FAM110B: variants seen among roughly 807,000 people sequenced by gnomAD.
The protein encoded by FAM110B is protein FAM110B.
A neutral mutation model predicts 20.4 loss-of-function variants in FAM110B; 6 were observed. That is an observed-to-expected ratio of 0.29 (90% CI 0.16 to 0.58). FAM110B has a LOEUF of 0.58. FAM110B is among the 20% of genes least tolerant of loss of function. The pLI is 0.90. For synonymous variants in FAM110B, 226 were observed against 214.1 expected, an observed-to-expected ratio of 1.06 and a Z score of -0.49; for missense variants, 434 against 498.2, an observed-to-expected ratio of 0.87 and a Z score of 1.23.
In FAM110B at chr8:57,999,673, C is replaced by G. The variant is rs564180071; in HGVS notation, c.-512+4867C>G. 2.0e-4 allele frequency among the ~76,000 whole-genome samples: 31 copies of G among 152,238 alleles called. 1 individual carries two copies. The South Asian group carries it at 6.0e-3, about 30-fold the overall frequency. On this transcript the variant is annotated intron_variant, in intron 1 of 3. Coordinates refer to ENST00000519262, the MANE Select transcript of FAM110B (RefSeq NM_001377989.1). ...TGTGCCAGGTACTTTGAATAAACAT[C>G]AGTCAGGAAAGACAAGGTTCCTTCC... is the stretch of plus-strand genomic sequence containing the variant.
At chr8:58,076,459 C>T (rs1806038676) in intron 3 of FAM110B, among the ~76,000 whole-genome samples, 1 of 152,146 alleles carries the variant, frequency 6.6e-6, no homozygotes, top group African/African-American at 2.4e-5. Flanking sequence ...GACCAGCAGG[C>T]CTGGGAATGG....
chr8:58,023,619 C>T (rs1300630733), intron 1 of FAM110B, among the ~76,000 whole-genome samples: 2 of 152,148 alleles, frequency 1.3e-5, no homozygotes, highest in Non-Finnish European at 2.9e-5. Flanking sequence ...TACATTCATA[C>T]ATGGGGATCT....
chr8:58,107,021 T>G (rs1174674015), intron 3 of FAM110B, among the ~76,000 whole-genome samples: 2 of 152,202 alleles, frequency 1.3e-5, no homozygotes, highest in African/African-American at 2.4e-5. Context: ...TGCATGGTTT[T>G]GGGTTATATG....
Position 58,147,031 on chromosome 8 carries a change from T to C in FAM110B, c.801T>C (p.Tyr267=), listed in dbSNP as rs1803884137. 6.2e-7 allele frequency: 1 copy of C among 1,614,212 alleles called. No individual in the cohort carries two copies. The highest frequency in any genetic ancestry group is 1.1e-5 in the South Asian group (1 of 91,088). ...QRSKSDLSDR[Y]FRVDADVERF... ...CTAAGTCAGACTTGAGTGACAGATA[T>C]TTCCGAGTGGACGCGGACGTGGAGA... Residue 267 remains tyrosine (Y), a synonymous_variant, in exon 4 of 4, where the codon TAT becomes TAC. Coordinates refer to ENST00000519262, the MANE Select transcript of FAM110B (RefSeq NM_001377989.1).
rs1413067489 is a variant in FAM110B at position 58,065,860 on chromosome 8, G to T, written c.-413-9675G>T. Among the ~76,000 whole-genome samples the T allele has an allele frequency of 2.6e-5, 4 of 152,206 alleles. No individual in the cohort carries two copies. In the East Asian group the frequency reaches 5.8e-4, roughly 22 times the overall value. On this transcript the variant is annotated intron_variant, in intron 2 of 3. Transcript: ENST00000519262. ...ACGTTTCCTTTGCAATTTTAAAGCC[G>T]TGTTCAGGTTTAGTCATTGGCATTG...
chr8:58,100,613 C>T (rs938922912), intron 3 of FAM110B, among the ~76,000 whole-genome samples: 1 of 152,216 alleles, frequency 6.6e-6, no homozygotes, highest in African/African-American at 2.4e-5. Context: ...ATAAGAGTGT[C>T]ATCTCCATCT....
chr8:58,090,239 A>T (rs1328985559), intron 3 of FAM110B, among the ~76,000 whole-genome samples: 2 of 152,196 alleles, frequency 1.3e-5, no homozygotes, highest in African/African-American at 4.8e-5. Flanking sequence ...AGCTCACTGC[A>T]ACCTCCGCCT....
intron 2 of FAM110B, among the ~76,000 whole-genome samples, chr8:58,045,537 T>C (rs1326378470): frequency 6.6e-6 from 1 of 152,162 alleles, no homozygotes; most frequent in Non-Finnish European, 1.5e-5. Flanking sequence ...TGGACTTCTT[T>C]TAATATTGTA....
Position 58,070,618 on chromosome 8 carries a change from G to T in FAM110B, c.-413-4917G>T, listed in dbSNP as rs576634022. On this transcript the variant is annotated intron_variant, in intron 2 of 3. Transcript: ENST00000519262. ...GATTCAAGAGTGCATGTGTGTGCTT[G>T]GGAGTGATGCTTACCGACTCGCTTC... 2.0e-5 allele frequency among the ~76,000 whole-genome samples: 3 copies of T among 152,290 alleles called. No homozygotes were observed. The South Asian group carries it at 6.2e-4, about 32-fold the overall frequency.
intron 1 of FAM110B, among the ~76,000 whole-genome samples, chr8:58,020,239 T>A (rs1804723613): frequency 6.6e-6 from 1 of 152,220 alleles, no homozygotes; most frequent in Admixed American, 6.5e-5. Context: ...ACGTAGTTGT[T>A]CTAAAGTCCT....
chr8:58,078,561 T>TTTA (rs1195294739), intron 3 of FAM110B, among the ~76,000 whole-genome samples: 1 of 145,010 alleles, frequency 6.9e-6, no homozygotes, highest in Non-Finnish European at 1.5e-5. Context: ...TTTTTTTTTT[T>TTTA]TTTTTTTGAG....
chr8:58,127,169 T>C (rs186689510), intron 3 of FAM110B, among the ~76,000 whole-genome samples: 20 of 152,368 alleles, frequency 1.3e-4, no homozygotes, highest in Non-Finnish European at 7.3e-5. Context: ...GTCCTTTTTC[T>C]TTGAATTGCT....
At chr8:58,110,522 CTAAT>C (rs1299564653) in intron 3 of FAM110B, among the ~76,000 whole-genome samples, 1 of 152,032 alleles carries the variant, frequency 6.6e-6, no homozygotes, top group Non-Finnish European at 1.5e-5. Context: ...ATAGTGAAAT[CTAAT>C]TAAGTTTTAA....
intron 2 of FAM110B, chr8:58,032,189 T>C (rs995454883): frequency 1.3e-5 from 2 of 152,218 alleles, no homozygotes; most frequent in Non-Finnish European, 2.9e-5. Context: ...CTTTTTTACC[T>C]GAGAATTCTG....
In FAM110B at chr8:58,007,983, C is replaced by G. The variant is rs1804447071; in HGVS notation, c.-512+13177C>G. Among the ~76,000 whole-genome samples the G allele has an allele frequency of 2.0e-5, 3 of 152,068 alleles. No individual in the cohort carries two copies. In the South Asian group the frequency reaches 6.2e-4, roughly 32 times the overall value. On this transcript the variant is annotated intron_variant, in intron 1 of 3. Transcript: ENST00000519262. ...CTGTAAGATATATTTTTTCTATCAA[C>G]AAGAAGGTAAATTTCTCGTGCCTAA...
At chr8:58,093,059 C>T (rs1450845082) in intron 3 of FAM110B, among the ~76,000 whole-genome samples, 1 of 152,084 alleles carries the variant, frequency 6.6e-6, no homozygotes, top group Non-Finnish European at 1.5e-5. Flanking sequence ...TGAAAATTGT[C>T]TGTTCATATC....
chr8:58,040,267 T>A (rs1805184198), intron 2 of FAM110B, among the ~76,000 whole-genome samples: 1 of 152,230 alleles, frequency 6.6e-6, no homozygotes, highest in Admixed American at 6.5e-5. Flanking sequence ...TTCATCTGCA[T>A]TCTGTGATAG....
In FAM110B at chr8:58,146,904, C is replaced by T. The variant is rs753990670; in HGVS notation, c.674C>T (p.Pro225Leu). 2 of 1,614,236 alleles carry T rather than the reference C, an allele frequency of 1.2e-6. No individual in the cohort carries two copies. The highest frequency in any genetic ancestry group is 2.2e-5 in the East Asian group (1 of 44,880). ...TGCAGTAGCTCTGCCCCTCCCCTGC[C>T]TCCCAAGCCCAAAATCGCAGCCATC... is the stretch of plus-strand genomic sequence containing the variant. ...IPCSSSAPPL[P>L]PKPKIAAIAS... Residue 225 changes from proline (P) to leucine (L), a missense_variant, in exon 4 of 4, where the codon CCT (proline) becomes CTT (leucine). Transcript: ENST00000519262.
intron 2 of FAM110B, among the ~76,000 whole-genome samples, chr8:58,040,569 A>G (rs60265023): frequency 0.18 from 27,281 of 152,092 alleles, 3,766 homozygotes; most frequent in African/African-American, 0.38. Flanking sequence ...ACCCAGAACC[A>G]AATGCCTACA....
Sources: gnomAD v4.1 joint callset for allele counts (sites outside exome capture counted in the v4.1 genomes callset) on GRCh38, gnomAD v4.1.1 for gene constraint, MANE v1.5 for transcripts, NCBI Gene and HGNC (gene_info 2026-07-23, HGNC 2026-07-21) for gene names.